EMC1: variants seen among roughly 807,000 people sequenced by gnomAD.
EMC1 encodes the protein ER membrane protein complex subunit 1, also known as KIAA0090.
EMC1 carries 103 observed loss-of-function variants against 128.8 expected under a neutral mutation model. The ratio of observed to expected loss-of-function variants is 0.80; its 90% CI spans 0.68 to 0.94. EMC1 has a LOEUF of 0.94. Among genes scored for constraint, EMC1 ranks in the 40% least tolerant of loss-of-function variants. EMC1 has a pLI of 0.00. For synonymous variants in EMC1, 442 were observed against 490.4 expected, an observed-to-expected ratio of 0.90 and a Z score of 1.30; for missense variants, 1,083 against 1,250.6, an observed-to-expected ratio of 0.87 and a Z score of 2.02.
chr1:19,248,203 G>C (rs2093640578), intron 1 of EMC1, among the ~76,000 whole-genome samples: 1 of 151,904 alleles, frequency 6.6e-6, no homozygotes, highest in South Asian at 2.1e-4. Flanking sequence ...TTTGTTTTTT[G>C]TTTGCTTGTT....
chr1:19,232,518 G>T, intron 15 of EMC1, 106 bp downstream of exon 15: 2 of 1,268,146 alleles, frequency 1.6e-6, no homozygotes, highest in Non-Finnish European at 2.3e-6. Flanking sequence ...ACCCCTGAAT[G>T]TTCCTCATTA....
rs1179656563 is a variant in EMC1 at position 19,233,071 on chromosome 1, A to G, written c.1497T>C (p.Thr499=). 2 of 1,614,228 alleles carry G rather than the reference A, an allele frequency of 1.2e-6. No homozygotes were observed. Among genetic ancestry groups the G allele is most frequent in the Admixed American group, 3.3e-5 (2 of 60,028 alleles). Residue 499 remains threonine, a synonymous_variant, in exon 14 of 23, where the codon ACT becomes ACC. Transcript: ENST00000477853. The part of the protein sequence containing the change: ...SSQLILLQAW[T]SHLWKMFYDA... Reference sequence around the variant, plus strand: ...CATAAAACATTTTCCAGAGGTGGGAAGTCCATGCTTGCAGCAGGATAAGCT... The same window carrying G: ...CATAAAACATTTTCCAGAGGTGGGAGGTCCATGCTTGCAGCAGGATAAGCT...
At chr1:19,248,506 G>A (rs1163928395) in intron 1 of EMC1, among the ~76,000 whole-genome samples, 14 of 151,940 alleles carry the variant, frequency 9.2e-5, no homozygotes, top group Admixed American at 7.9e-4. Flanking sequence ...TGCAACCTCC[G>A]TCTCCCAGGT....
intron 18 of EMC1, among the ~76,000 whole-genome samples, chr1:19,226,406 C>G (rs143353772): frequency 0.015 from 2,286 of 151,900 alleles, 27 homozygotes; most frequent in South Asian, 0.026. Context: ...TGCTTGAGGC[C>G]AGGAGATAGA....
chr1:19,238,784 C>G lies in EMC1; in HGVS notation c.1089+11G>C. The G allele has an allele frequency of 6.3e-7, 1 of 1,598,516 alleles. No individual in the cohort carries two copies. The highest frequency in any genetic ancestry group is 8.6e-7 in the Non-Finnish European group (1 of 1,165,912). ...TCTAGGTCTGGCATACTGCCCAGTG[C>G]CACACCATACCTTTGAACTAGACTT... On this transcript the variant is annotated intron_variant, in intron 10 of 22. Transcript: ENST00000477853.
intron 12 of EMC1, among the ~76,000 whole-genome samples, chr1:19,236,228 T>G (rs1188439011): frequency 6.6e-6 from 1 of 151,032 alleles, no homozygotes; most frequent in East Asian, 2.0e-4. Context: ...AAATACAAAA[T>G]TAGCGCCTAT....
chr1:19,231,220 G>A (rs752943579), intron 16 of EMC1, 41 bp downstream of exon 16: 19 of 1,554,048 alleles, frequency 1.2e-5, no homozygotes, highest in African/African-American at 8.3e-5. Context: ...CCCCAAACCG[G>A]ACTCCGCTAG....
chr1:19,236,659 C>CAA (rs34407393), intron 12 of EMC1, among the ~76,000 whole-genome samples: 3 of 100,704 alleles, frequency 3.0e-5, no homozygotes, highest in Non-Finnish European at 2.1e-5. Flanking sequence ...AACTCCGTCT[C>CAA]AAAAAAAAAA....
At chr1:19,227,198 G>A (rs1421391722) in intron 18 of EMC1, 115 bp downstream of exon 18, 3 of 1,146,268 alleles carry the variant, frequency 2.6e-6, no homozygotes, top group South Asian at 1.4e-5. Flanking sequence ...GGCTCAAAGG[G>A]ATTAAATGAC....
In EMC1 at chr1:19,217,870, G is replaced by A. The variant is rs1418468452; in HGVS notation, c.*1433C>T. ...CAAACTGACAATTAATAAAATGGTT[G>A]TCATTTCCTCTTCCTTCTCTGCCAT... On this transcript the variant is annotated 3_prime_UTR_variant, in exon 23 of 23. Coordinates refer to ENST00000477853, the MANE Select transcript of EMC1 (RefSeq NM_015047.3). 6.6e-6 allele frequency: 1 copy of A among 152,112 alleles called. No individual in the cohort carries two copies. Among genetic ancestry groups the A allele is most frequent in the Non-Finnish European group, 1.5e-5 (1 of 68,032 alleles). 9.4% of individuals were successfully genotyped at this position (152,112 alleles called of 1,614,324 possible). A position where few individuals can be genotyped will look rare whatever the true frequency, so the allele number is the denominator to read the frequency against.
In EMC1 at chr1:19,236,322, C is replaced by T. The variant is rs117191948; in HGVS notation, c.1309+820G>A. 2.6e-3 allele frequency among the ~76,000 whole-genome samples: 398 copies of T among 150,862 alleles called. 9 individuals are homozygous for T. In the East Asian group the frequency reaches 0.054, roughly 20 times the overall value. On this transcript the variant is annotated intron_variant, in intron 12 of 22. Transcript: ENST00000477853. ...TGCAAAGAGCTGAGATTACACCATTCCACTCCAGCCTGGGCAACAAGAGCA... is the reference window on the plus strand; with the variant it reads ...TGCAAAGAGCTGAGATTACACCATTTCACTCCAGCCTGGGCAACAAGAGCA...
intron 13 of EMC1, among the ~76,000 whole-genome samples, chr1:19,234,353 T>G (rs1017552401): frequency 1.3e-5 from 2 of 152,046 alleles, no homozygotes; most frequent in African/African-American, 4.8e-5. Context: ...CAGGACTGAA[T>G]CAGAGCAGAG....
Position 19,219,622 on chromosome 1 carries a change from A to T in EMC1, c.2749T>A (p.Ser917Thr), listed in dbSNP as rs529971469. The change falls in exon 22 of 23, where the codon TCT (serine) becomes ACT (threonine). Residue 917 changes from serine to threonine, a missense_variant. By Grantham distance (58) the Ser-to-Thr change is moderately conservative. Transcript: ENST00000477853. ...ERFINYNQTVSRMRGIYTAPS... is the reference protein window; with the variant it reads ...ERFINYNQTVTRMRGIYTAPS... Reference sequence around the variant, plus strand: ...GCTGTGTAGATACCTCGCATTCGAGAAACTGTCTGGTTATAGTTGATGAAT... The same window carrying T: ...GCTGTGTAGATACCTCGCATTCGAGTAACTGTCTGGTTATAGTTGATGAAT... 2.1e-5 allele frequency: 34 copies of T among 1,613,276 alleles called. No individual in the cohort carries two copies. The African/African-American group carries it at 4.0e-4, about 19-fold the overall frequency.
rs1254210101 is a variant in EMC1, at chr1:19,245,019, T to G, written c.107A>C (p.Tyr36Ser). ...GGAGGCAAACTTGACCTTCCCAACA[T>G]ATTGCTGTCTCCTGAGAAAAAAAGA... ...QVGKFDWRQQ[Y>S]VGKVKFASLE... Residue 36 changes from tyrosine (Y) to serine (S), a missense_variant, in exon 2 of 23, where the codon TAT (tyrosine) becomes TCT (serine). Physicochemically the swap from Tyr to Ser is moderately radical, Grantham distance 144 (BLOSUM62 -2). Transcript: ENST00000477853. The G allele has an allele frequency of 3.7e-6, 6 of 1,613,676 alleles. No individual in the cohort carries two copies. In the East Asian group the frequency reaches 1.3e-4, roughly 36 times the overall value.
chr1:19,240,452 G>GAAA lies in EMC1; in HGVS notation c.637-9_637-7dup. ...CACGGAGTTGAAACCCTAACCTACA[G>GAAA]AAAAGTCATCGTTAACAGGAAGCTC... On this transcript the variant is annotated splice_region_variant and splice_polypyrimidine_tract_variant and intron_variant, in intron 6 of 22. Coordinates refer to ENST00000477853, the MANE Select transcript of EMC1 (RefSeq NM_015047.3). The GAAA allele has an allele frequency of 6.2e-7, 1 of 1,613,928 alleles. No homozygotes were observed. Among genetic ancestry groups the GAAA allele is most frequent in the Non-Finnish European group, 8.5e-7 (1 of 1,179,936 alleles).
chr1:19,233,952 T>A (rs576122974), intron 13 of EMC1, among the ~76,000 whole-genome samples: 16 of 152,110 alleles, frequency 1.1e-4, no homozygotes, highest in Admixed American at 4.6e-4. Context: ...TGGTAATAAC[T>A]CACTAAAAAA....
Position 19,218,263 on chromosome 1 carries a change from C to T in EMC1, c.*1040G>A, listed in dbSNP as rs1195813255. ...TAATTTGTAGCAGAGACACAGTGGC[C>T]TAGCCAATCGGCAGTGCTATACACA... On this transcript the variant is annotated 3_prime_UTR_variant, in exon 23 of 23. Transcript: ENST00000477853. 1 of 152,238 alleles carries T rather than the reference C, an allele frequency of 6.6e-6. No individual in the cohort carries two copies. Among genetic ancestry groups the T allele is most frequent in the Non-Finnish European group, 1.5e-5 (1 of 68,050 alleles). The allele number at this position is 152,238 out of a possible 1,614,324, so 9.4% of individuals were successfully genotyped here. A position where few individuals can be genotyped will look rare whatever the true frequency, so the allele number is the denominator to read the frequency against.
intron 1 of EMC1, among the ~76,000 whole-genome samples, chr1:19,247,499 CAT>C (rs1372779888): frequency 6.6e-6 from 1 of 152,164 alleles, no homozygotes; most frequent in Non-Finnish European, 1.5e-5. Flanking sequence ...GCTGCTATAA[CAT>C]TGTAGTCGAA....
intron 5 of EMC1, 151 bp from the exon 6 acceptor site, chr1:19,241,293 T>C: frequency 2.5e-6 from 2 of 810,836 alleles, no homozygotes; most frequent in Admixed American, 5.7e-5. Context: ...TTTGTTGTTG[T>C]TGTTCTTAAT....
Sources: allele counts gnomAD v4.1 joint callset (sites outside exome capture counted in the v4.1 genomes callset), GRCh38; gene constraint gnomAD v4.1.1; transcripts MANE v1.5; gene names NCBI Gene and HGNC (gene_info 2026-07-23, HGNC 2026-07-21).